Variants in SCUBE1 observed in about 807,000 individuals in gnomAD.
SCUBE1 encodes signal peptide, CUB domain and EGF like domain containing 1.
A neutral mutation model predicts 124.4 loss-of-function variants in SCUBE1; 59 were observed. That is an observed-to-expected ratio of 0.47 (90% CI 0.38 to 0.59). The LOEUF is 0.59. Among genes scored for constraint, SCUBE1 ranks in the 20% least tolerant of loss-of-function variants. The pLI is 0.00. For synonymous variants in SCUBE1, 545 were observed against 550.9 expected, an observed-to-expected ratio of 0.99 and a Z score of 0.15; for missense variants, 1,150 against 1,371.2, an observed-to-expected ratio of 0.84 and a Z score of 2.55.
chr22:43,290,972 G>A, intron 4 of SCUBE1, 74 bp downstream of exon 4: 32 of 1,451,292 alleles, frequency 2.2e-5, no homozygotes, highest in Non-Finnish European at 2.9e-5. Context: ...CCAGAATTGA[G>A]ATGTGGAGAA....
Position 43,245,499 on chromosome 22 carries a change from G to A in SCUBE1, c.728-6545C>T, listed in dbSNP as rs528604704. On this transcript the variant is annotated intron_variant, in intron 6 of 21. Transcript: ENST00000360835. The stretch of plus-strand genomic sequence containing the variant: ...GGCTGGACGCAGGGTGACTGTGGAG[G>A]CTGCAGCCCTGACAAGGAAGTGGCT... 8.3e-4 allele frequency among the ~76,000 whole-genome samples: 127 copies of A among 152,270 alleles called. 1 individual carries two copies. The highest frequency in any genetic ancestry group is 2.9e-3 in the African/African-American group (120 of 41,558).
chr22:43,281,804 TCTC>T (rs1924923855), intron 4 of SCUBE1: 1 of 154,672 alleles, frequency 6.5e-6, no homozygotes, highest in Non-Finnish European at 1.4e-5. Context: ...TCATTCTCCT[TCTC>T]CTCATGGCTG....
chr22:43,324,685 A>G (rs1347059464), intron 2 of SCUBE1, among the ~76,000 whole-genome samples: 1 of 152,040 alleles, frequency 6.6e-6, no homozygotes, highest in Non-Finnish European at 1.5e-5. Flanking sequence ...AAGAGGCACC[A>G]CAGACCTCCA....
intron 6 of SCUBE1, among the ~76,000 whole-genome samples, chr22:43,256,658 A>C (rs1248488427): frequency 6.6e-6 from 1 of 152,266 alleles, no homozygotes; most frequent in African/African-American, 2.4e-5. Flanking sequence ...GGACAAGACA[A>C]GATGTGTTAG....
chr22:43,217,273 G>A (rs1449524050), intron 15 of SCUBE1, among the ~76,000 whole-genome samples: 1 of 151,778 alleles, frequency 6.6e-6, no homozygotes, highest in East Asian at 2.0e-4. Flanking sequence ...ATCTCCATGT[G>A]GATGACTTGT....
At chr22:43,276,208 G>T (rs1924510014) in intron 4 of SCUBE1, among the ~76,000 whole-genome samples, 1 of 152,214 alleles carries the variant, frequency 6.6e-6, no homozygotes, top group Non-Finnish European at 1.5e-5. Flanking sequence ...CCGTCTAGGG[G>T]ACAGTTGGTA....
Position 43,208,064 on chromosome 22 carries a change from G to A in SCUBE1, c.2734+8C>T, listed in dbSNP as rs535866337. The A allele has an allele frequency of 1.9e-6, 3 of 1,613,898 alleles. No individual in the cohort carries two copies. The African/African-American group carries it at 4.0e-5, about 22-fold the overall frequency. On this transcript the variant is annotated splice_region_variant and intron_variant, in intron 20 of 21. Transcript: ENST00000360835. ...TGCACAGTGGGCCGTGAAGACAGTG[G>A]ATCTTACCATCGTAGGTGACATAGG...
chr22:43,290,605 C>T (rs1205695266), intron 4 of SCUBE1, among the ~76,000 whole-genome samples: 1 of 152,252 alleles, frequency 6.6e-6, no homozygotes, highest in Non-Finnish European at 1.5e-5. Flanking sequence ...AGGACCCTCT[C>T]CTGGCGGGAA....
At chr22:43,311,487 C>T (rs2146775005) in intron 3 of SCUBE1, among the ~76,000 whole-genome samples, 1 of 147,564 alleles carries the variant, frequency 6.8e-6, no homozygotes, top group South Asian at 2.1e-4. Flanking sequence ...GTGGTGTAAT[C>T]TCGGCTCATT....
chr22:43,312,124 T>C (rs1926192049), intron 3 of SCUBE1, among the ~76,000 whole-genome samples: 1 of 152,222 alleles, frequency 6.6e-6, no homozygotes, highest in Non-Finnish European at 1.5e-5. Flanking sequence ...GGTTTTTAGA[T>C]TACAAGGCAT....
chr22:43,252,435 C>T (rs554674669), intron 6 of SCUBE1, among the ~76,000 whole-genome samples: 23 of 152,254 alleles, frequency 1.5e-4, no homozygotes, highest in African/African-American at 4.1e-4. Flanking sequence ...TCTGAGCATC[C>T]GAGCCGCTCT....
chr22:43,342,695 C>T (rs150921780), intron 1 of SCUBE1, among the ~76,000 whole-genome samples: 4,931 of 152,052 alleles, frequency 0.032, 86 homozygotes, highest in Non-Finnish European at 0.041. Flanking sequence ...CTTTTGTCTG[C>T]TCCCTCGGCG....
At chr22:43,286,794 A>G (rs1925164503) in intron 4 of SCUBE1, among the ~76,000 whole-genome samples, 2 of 152,160 alleles carry the variant, frequency 1.3e-5, no homozygotes, top group South Asian at 2.1e-4. Flanking sequence ...GAATGAATGA[A>G]TGAGCAGGTA....
intron 3 of SCUBE1, among the ~76,000 whole-genome samples, chr22:43,316,530 C>T (rs713788): frequency 0.3 from 45,138 of 152,120 alleles, 10,163 homozygotes; most frequent in African/African-American, 0.63. Context: ...GCATCTGGCA[C>T]GATCAACGTT....
rs921782950 is a variant in SCUBE1 at position 43,234,927 on chromosome 22, C to T, written c.845-3052G>A. 1.3e-4 allele frequency among the ~76,000 whole-genome samples: 20 copies of T among 152,192 alleles called. No individual in the cohort carries two copies. The highest frequency in any genetic ancestry group is 1.2e-4 in the Non-Finnish European group (8 of 68,026). ...TGGACTCCAGTGACCGCACCCAGTA[C>T]AGCCACAGCCCCCCTCTCACCTGCT... On this transcript the variant is annotated intron_variant, in intron 7 of 21. Transcript: ENST00000360835. This position sits in a 1 kb window ranked among gnomAD's most constrained non-coding sequence, Gnocchi z 4.4.
At chr22:43,274,849 G>T (rs539895780) in intron 4 of SCUBE1, among the ~76,000 whole-genome samples, 1 of 152,320 alleles carries the variant, frequency 6.6e-6, no homozygotes, top group African/African-American at 2.4e-5. Context: ...TCCCTCAGCT[G>T]TGCATGAGGG....
chr22:43,305,696 G>A (rs1216959035), intron 3 of SCUBE1, among the ~76,000 whole-genome samples: 2 of 152,152 alleles, frequency 1.3e-5, no homozygotes, highest in Non-Finnish European at 2.9e-5. Flanking sequence ...GTCCCACTCG[G>A]CAGGGCCTCC....
intron 20 of SCUBE1, among the ~76,000 whole-genome samples, chr22:43,207,869 G>A (rs56288754): frequency 3.9e-5 from 6 of 152,210 alleles, no homozygotes; most frequent in Admixed American, 3.9e-4. Flanking sequence ...AGCCTGCAGA[G>A]GCCACTAACC....
rs185475377 is a variant in SCUBE1 at position 43,199,870 on chromosome 22, G to A, written c.*4127C>T. ...AGGCACAGCCTAATTCTGGGCAGCAGGTGAGGCCACCTGGCTGCAGGCTGC... is the reference window on the plus strand; with the variant it reads ...AGGCACAGCCTAATTCTGGGCAGCAAGTGAGGCCACCTGGCTGCAGGCTGC... On this transcript the variant is annotated 3_prime_UTR_variant, in exon 22 of 22. Transcript: ENST00000360835. 2.0e-5 allele frequency: 3 copies of A among 152,660 alleles called. No individual in the cohort carries two copies. The highest frequency in any genetic ancestry group is 4.8e-5 in the African/African-American group (2 of 41,580). 9.5% of individuals were successfully genotyped at this position (152,660 alleles called of 1,614,324 possible).
Sources: gnomAD v4.1 joint callset for allele counts (sites outside exome capture counted in the v4.1 genomes callset) on GRCh38, gnomAD v4.1.1 for gene constraint, Gnocchi (gnomAD v3.1) non-coding constraint, MANE v1.5 for transcripts, NCBI Gene and HGNC (gene_info 2026-07-23, HGNC 2026-07-21) for gene names.